Variants in FBH1 observed in about 807,000 individuals in gnomAD.
FBH1 encodes the protein DNA 3'-5' helicase 1.
A neutral mutation model predicts 115.5 loss-of-function variants in FBH1; 43 were observed. The observed-to-expected ratio is 0.37, with a 90% CI of 0.29 to 0.48. The LOEUF (loss-of-function observed/expected upper bound fraction) is 0.48, where lower values mean the gene tolerates loss of function less well. FBH1 is among the 20% of genes least tolerant of loss of function. The probability of loss-of-function intolerance (pLI) is 0.99; values close to 1 mark genes in which losing one functional copy is unlikely to be tolerated. For synonymous variants in FBH1, 524 were observed against 507.8 expected (o/e 1.03, Z -0.43); for missense variants, 1,001 against 1,337.3 (o/e 0.75, Z 3.92).
At position 5,897,334 on chromosome 10, in the gene FBH1, C is replaced by T. The variant is rs958398729; in HGVS notation, c.2-5686C>T. On this transcript the variant is annotated intron_variant, in intron 1 of 20. Transcript: ENST00000362091. This position sits in a 1 kb window ranked among gnomAD's most constrained non-coding sequence, Gnocchi z 4.7. ...CCTGCACCCCACAGCCTCGGAGGGG[C>T]TTTAAGGGAACATTAAGTGTAAAGC... Among the ~76,000 whole-genome samples, 4 of 152,042 alleles carry T rather than the reference C, an allele frequency of 2.6e-5. No homozygotes were observed. The highest frequency in any genetic ancestry group is 7.2e-5 in the African/African-American group (3 of 41,400).
chr10:5,908,021 C>G (rs1336306288), intron 3 of FBH1, among the ~76,000 whole-genome samples: 1 of 152,148 alleles, frequency 6.6e-6, no homozygotes, highest in Non-Finnish European at 1.5e-5. Flanking sequence ...GTTCGTTCAG[C>G]CCGCTTAGTC....
At chr10:5,898,155 A>G (rs2131850626) in intron 1 of FBH1, among the ~76,000 whole-genome samples, 1 of 152,306 alleles carries the variant, frequency 6.6e-6, no homozygotes, top group African/African-American at 2.4e-5. Context: ...GGCTGGTATA[A>G]CAAAATACCA....
rs1022945161 is a variant in FBH1 at position 5,900,060 on chromosome 10, C to T, written c.2-2960C>T. On this transcript the variant is annotated intron_variant, in intron 1 of 20. Coordinates refer to ENST00000362091, the MANE Select transcript of FBH1 (RefSeq NM_178150.3). The surrounding 1 kb of genome is among the most constrained non-coding windows in gnomAD (Gnocchi z 4.2). The stretch of plus-strand genomic sequence containing the variant: ...TGTTTGCTTTTCTGTTCATAATAAG[C>T]GAGACATGTTACTGGTTAGTTTAGA... 3.9e-5 allele frequency among the ~76,000 whole-genome samples: 6 copies of T among 152,058 alleles called. No homozygotes were observed. The highest frequency in any genetic ancestry group is 1.4e-4 in the African/African-American group (6 of 41,394).
Position 5,936,825 on chromosome 10 carries a change from C to G in FBH1, c.2961+238C>G, listed in dbSNP as rs1048237205. ...CTGGGAGGCTGGGTTGTGATACACG[C>G]TTAGAGAGAGAGCTGTTCCCTGGGG... On this transcript the variant is annotated intron_variant, in intron 20 of 20. Coordinates refer to ENST00000362091, the MANE Select transcript of FBH1 (RefSeq NM_178150.3). The surrounding 1 kb of genome is among the most constrained non-coding windows in gnomAD (Gnocchi z 5.6). The G allele has an allele frequency of 3.2e-6, 2 of 616,278 alleles. No individual in the cohort carries two copies. Among genetic ancestry groups the G allele is most frequent in the Admixed American group, 3.0e-5 (1 of 33,280 alleles). 38.2% of individuals were successfully genotyped at this position (616,278 alleles called of 1,614,324 possible).
intron 2 of FBH1, 41 bp downstream of exon 2, chr10:5,903,216 T>C (rs1197455796): frequency 6.6e-7 from 1 of 1,504,056 alleles, no homozygotes; most frequent in Admixed American, 2.0e-5. Context: ...AAACCTGTAG[T>C]GTGTGGGTCC....
In FBH1 at chr10:5,933,392, CA is replaced by C. The variant is rs1833080671; in HGVS notation, c.2830-3061del. Among the ~76,000 whole-genome samples, 1 of 152,068 alleles carries C rather than the reference CA, an allele frequency of 6.6e-6. No individual in the cohort carries two copies. Among genetic ancestry groups the C allele is most frequent in the African/African-American group, 2.4e-5 (1 of 41,426 alleles). ...AACAAAGTGAGACTCTGTCTCAAAACAAACAAACAAAAAAGTGAAGTAGACT... is the reference window on the plus strand; with the variant it reads ...AACAAAGTGAGACTCTGTCTCAAAACAACAAACAAAAAAGTGAAGTAGACT... On this transcript the variant is annotated intron_variant, in intron 19 of 20. Coordinates refer to ENST00000362091, the MANE Select transcript of FBH1 (RefSeq NM_178150.3). This position sits in a 1 kb window ranked among gnomAD's most constrained non-coding sequence, Gnocchi z 4.9.
Position 5,903,173 on chromosome 10 carries a change from G to C in FBH1, c.155G>C (p.Arg52Thr). ...AAACCGAGAACAAAAAGAGGGAGTA[G>C]GGGTATGTCTCCTCTAAAACTCTTG... ...YPKPRTKRGS[R>T]GQGSQRCIPE... The change falls in exon 2 of 21, where the codon AGG (arginine) becomes ACG (threonine). Residue 52 changes from arginine to threonine, a missense_variant and splice_region_variant. Arg to Thr is a moderately conservative substitution (Grantham distance 71). Coordinates refer to ENST00000362091, the MANE Select transcript of FBH1 (RefSeq NM_178150.3). The C allele has an allele frequency of 6.2e-7, 1 of 1,606,180 alleles. No individual in the cohort carries two copies.
chr10:5,919,811 A>T (rs596156), intron 13 of FBH1, among the ~76,000 whole-genome samples: 129,882 of 152,200 alleles, frequency 0.85, 55,509 homozygotes, highest in Admixed American at 0.89. Context: ...TGCAGAGGTG[A>T]TTTGTTCTTT....
intron 1 of FBH1, among the ~76,000 whole-genome samples, chr10:5,892,331 A>G (rs137930998): frequency 6.6e-6 from 1 of 152,116 alleles, no homozygotes; most frequent in Non-Finnish European, 1.5e-5. Flanking sequence ...ATCATTTGAC[A>G]GGTTTCGTGA....
chr10:5,905,247 G>A (rs985544836), intron 2 of FBH1: 1 of 152,180 alleles, frequency 6.6e-6, no homozygotes, highest in Non-Finnish European at 1.5e-5. Flanking sequence ...CTGGGCGCAG[G>A]GGCTCACGCC....
rs1843098625 is a variant in FBH1 at position 5,897,799 on chromosome 10, C to T, written c.2-5221C>T. 6.6e-6 allele frequency among the ~76,000 whole-genome samples: 1 copy of T among 152,224 alleles called. No homozygotes were observed. Among genetic ancestry groups the T allele is most frequent in the African/African-American group, 2.4e-5 (1 of 41,450 alleles). ...CAGTGTTCCAACACTCCCATTAGCA[C>T]TTTCTGTTACTCCTGTGTCTTTGTT... On this transcript the variant is annotated intron_variant, in intron 1 of 20. Transcript: ENST00000362091. This position sits in a 1 kb window ranked among gnomAD's most constrained non-coding sequence, Gnocchi z 4.7.
At position 5,937,373 on chromosome 10, in the gene FBH1, C is replaced by T. The variant is rs1316181268; in HGVS notation, c.*93C>T. 1 of 1,341,978 alleles carries T rather than the reference C, an allele frequency of 7.5e-7. No homozygotes were observed. Among genetic ancestry groups the T allele is most frequent in the African/African-American group, 1.5e-5 (1 of 66,842 alleles). 83.1% of individuals were successfully genotyped at this position (1,341,978 alleles called of 1,614,324 possible). A position where few individuals can be genotyped will look rare whatever the true frequency, so the allele number is the denominator to read the frequency against. Reference sequence around the variant, plus strand: ...AGGGGGGCTTCTGCTCCCTGAGACTCTGGGTTCACCCACAGCACTTTCTGA... The same window carrying T: ...AGGGGGGCTTCTGCTCCCTGAGACTTTGGGTTCACCCACAGCACTTTCTGA... On this transcript the variant is annotated 3_prime_UTR_variant, in exon 21 of 21. Coordinates refer to ENST00000362091, the MANE Select transcript of FBH1 (RefSeq NM_178150.3).
rs1254336807 is a variant in FBH1, at chr10:5,895,696, G to C, written c.1+5350G>C. ...GGGAGGGAGGGTTCTTTTTAAAGCA[G>C]TAGTCCGAGGATTGAGGCTGCTGGA... On this transcript the variant is annotated intron_variant, in intron 1 of 20. Transcript: ENST00000362091. This position sits in a 1 kb window ranked among gnomAD's most constrained non-coding sequence, Gnocchi z 5.0. 6.6e-6 allele frequency among the ~76,000 whole-genome samples: 1 copy of C among 152,198 alleles called. No homozygotes were observed. Among genetic ancestry groups the C allele is most frequent in the Non-Finnish European group, 1.5e-5 (1 of 68,034 alleles).
rs1843273208 is a variant in FBH1 at position 5,900,409 on chromosome 10, T to C, written c.2-2611T>C. Among the ~76,000 whole-genome samples, 1 of 152,204 alleles carries C rather than the reference T, an allele frequency of 6.6e-6. No individual in the cohort carries two copies. Among genetic ancestry groups the C allele is most frequent in the Admixed American group, 6.5e-5 (1 of 15,278 alleles). On this transcript the variant is annotated intron_variant, in intron 1 of 20. Transcript: ENST00000362091. This position sits in a 1 kb window ranked among gnomAD's most constrained non-coding sequence, Gnocchi z 4.2. ...GCCCTGAAGCCATAGAGCAACCAAG[T>C]GGCCAGCTGAGGGTGCCAGCCCAGC...
chr10:5,898,006 C>G (rs1413961383), intron 1 of FBH1, among the ~76,000 whole-genome samples: 1 of 152,182 alleles, frequency 6.6e-6, no homozygotes, highest in Non-Finnish European at 1.5e-5. Context: ...GGAGGTCTCC[C>G]TGTGGGAGCA....
rs754252658 is a variant in FBH1, at chr10:5,903,120, C to A, written c.102C>A (p.Asn34Lys). The A allele has an allele frequency of 9.9e-6, 16 of 1,613,836 alleles. No individual in the cohort carries two copies. In the South Asian group the frequency reaches 1.8e-4, roughly 18 times the overall value. Residue 34 changes from asparagine (N) to lysine (K), a missense_variant, in exon 2 of 21, where the codon AAC becomes AAA. Asn to Lys is a moderately conservative substitution (Grantham distance 94, BLOSUM62 0). Coordinates refer to ENST00000362091, the MANE Select transcript of FBH1 (RefSeq NM_178150.3). ...VTQPFGQRWTNRDPNHGLYPK... is the reference protein window; with the variant it reads ...VTQPFGQRWTKRDPNHGLYPK... ...AGCCCTTCGGTCAAAGATGGACAAA[C>A]AGAGATCCGAACCATGGTCTCTATC...
In FBH1 at chr10:5,891,160, T is replaced by C. The variant is rs1330983708; in HGVS notation, c.1+814T>C. 5 of 985,690 alleles carry C rather than the reference T, an allele frequency of 5.1e-6. No individual in the cohort carries two copies. The East Asian group carries it at 5.7e-4, about 112-fold the overall frequency. The allele number at this position is 985,690 out of a possible 1,614,324, so 61.1% of individuals were successfully genotyped here. ...AGGCAGGATGGTAGCATGTGTTGAGTGTCCGCCAGCGTCTGCCGCTGTGGT... is the reference window on the plus strand; with the variant it reads ...AGGCAGGATGGTAGCATGTGTTGAGCGTCCGCCAGCGTCTGCCGCTGTGGT... On this transcript the variant is annotated intron_variant, in intron 1 of 20. Transcript: ENST00000362091.
In FBH1 at chr10:5,909,084, C is replaced by T. The variant is rs191115379; in HGVS notation, c.884+29C>T. 27 of 1,613,820 alleles carry T rather than the reference C, an allele frequency of 1.7e-5. No homozygotes were observed. The highest frequency in any genetic ancestry group is 2.2e-5 in the East Asian group (1 of 44,882). ...AGCTTTGCCTGTGCTGTAAAGAAGG[C>T]GTCTTTGAAGTCTTCCTTGTACATC... On this transcript the variant is annotated intron_variant, in intron 4 of 20. Coordinates refer to ENST00000362091, the MANE Select transcript of FBH1 (RefSeq NM_178150.3). This position sits in a 1 kb window ranked among gnomAD's most constrained non-coding sequence, Gnocchi z 4.4.
intron 1 of FBH1, among the ~76,000 whole-genome samples, chr10:5,898,416 T>G (rs1198721237): frequency 6.6e-6 from 1 of 152,090 alleles, no homozygotes; most frequent in Admixed American, 6.6e-5. Flanking sequence ...ACCGCATTTT[T>G]TTTTTTTCTT....
Sources: allele counts gnomAD v4.1 joint callset (sites outside exome capture counted in the v4.1 genomes callset), GRCh38; gene constraint gnomAD v4.1.1; non-coding constraint Gnocchi (gnomAD v3.1); transcripts MANE v1.5; gene names NCBI Gene and HGNC (gene_info 2026-07-23, HGNC 2026-07-21).